Variants in OSTC observed in about 807,000 individuals in gnomAD.
OSTC encodes oligosaccharyltransferase complex non-catalytic subunit.
A neutral mutation model predicts 16.4 loss-of-function variants in OSTC; 16 were observed. The ratio of observed to expected loss-of-function variants is 0.98; its 90% CI spans 0.66 to 1.49. OSTC has a LOEUF of 1.49. Ranked by LOEUF, OSTC falls within the 40% of genes most tolerant of loss-of-function variation. The pLI is 0.00. For synonymous variants in OSTC, 67 were observed against 68.5 expected, an observed-to-expected ratio of 0.98 and a Z score of 0.11; for missense variants, 139 against 186.3, an observed-to-expected ratio of 0.75 and a Z score of 1.48.
intron 1 of OSTC, among the ~76,000 whole-genome samples, chr4:108,655,277 C>T (rs1320246639): frequency 6.6e-6 from 1 of 152,056 alleles, no homozygotes; most frequent in East Asian, 1.9e-4. Flanking sequence ...ACCAGCCTGA[C>T]CAATATGGTG....
At chr4:108,662,863 C>T (rs945228795) in intron 3 of OSTC, among the ~76,000 whole-genome samples, 4 of 152,120 alleles carry the variant, frequency 2.6e-5, no homozygotes, top group Admixed American at 6.5e-5. Context: ...AAATAAGGGA[C>T]GTAATTCATT....
At chr4:108,661,502 C>T (rs1301739120) in intron 3 of OSTC, among the ~76,000 whole-genome samples, 2 of 152,142 alleles carry the variant, frequency 1.3e-5, no homozygotes, top group Non-Finnish European at 2.9e-5. Context: ...CACGTTTGAA[C>T]TTGATTCTTC....
chr4:108,659,112 G>A (rs571771768), intron 3 of OSTC, among the ~76,000 whole-genome samples: 2 of 151,854 alleles, frequency 1.3e-5, no homozygotes, highest in African/African-American at 4.8e-5. Context: ...CCAAGTAGCT[G>A]GGATTACAGG....
At chr4:108,658,765 G>T (rs1726776688) in intron 3 of OSTC, among the ~76,000 whole-genome samples, 1 of 151,924 alleles carries the variant, frequency 6.6e-6, no homozygotes, top group Admixed American at 6.6e-5. Flanking sequence ...TAGTGTGTTT[G>T]AATTTTACAA....
chr4:108,653,585 C>T (rs13119492), intron 1 of OSTC, among the ~76,000 whole-genome samples: 1,784 of 152,178 alleles, frequency 0.012, 9 homozygotes, highest in Non-Finnish European at 0.019. Context: ...GGGAAGGAAT[C>T]TTACAGGTTT....
At chr4:108,657,034 T>A (rs1410187926) in intron 2 of OSTC, among the ~76,000 whole-genome samples, 2 of 150,664 alleles carry the variant, frequency 1.3e-5, no homozygotes, top group Non-Finnish European at 2.9e-5. Flanking sequence ...GCCACAGCAC[T>A]CCAGCCTGGG....
intron 3 of OSTC, among the ~76,000 whole-genome samples, chr4:108,658,478 T>G (rs1414955455): frequency 6.6e-6 from 1 of 151,922 alleles, no homozygotes; most frequent in Non-Finnish European, 1.5e-5. Context: ...ATTTAAAGAT[T>G]ATTTTGATTC....
In OSTC at chr4:108,667,686, T is replaced by TG. The variant is rs1727045290; in HGVS notation, c.*422dup. Reference sequence around the variant, plus strand: ...CCGTAAGCTGAGAACTCTGGACAGTTGATCAGCTTTACCTATGGTGCTTTG... The same window carrying TG: ...CCGTAAGCTGAGAACTCTGGACAGTTGGATCAGCTTTACCTATGGTGCTTTG... On this transcript the variant is annotated 3_prime_UTR_variant, in exon 4 of 4. Transcript: ENST00000361564. 1 of 156,906 alleles carries TG rather than the reference T, an allele frequency of 6.4e-6. No homozygotes were observed. The highest frequency in any genetic ancestry group is 6.5e-5 in the Admixed American group (1 of 15,420). 9.7% of individuals were successfully genotyped at this position (156,906 alleles called of 1,614,324 possible).
Position 108,667,262 on chromosome 4 carries a change from T to C in OSTC, c.447T>C (p.Gly149=). The C allele has an allele frequency of 6.2e-7, 1 of 1,609,352 alleles. No individual in the cohort carries two copies. The highest frequency in any genetic ancestry group is 8.5e-7 in the Non-Finnish European group (1 of 1,177,328). ...MRMKLPGYLM[G] ...ATTTCTGCAGGGGCTATCTGATGGG[T>C]TAGAGTGCCTTTGAGAAGAAATCAG... Residue 149 remains glycine (G), a synonymous_variant, in exon 4 of 4, where the codon GGT becomes GGC. Transcript: ENST00000361564.
intron 3 of OSTC, among the ~76,000 whole-genome samples, chr4:108,664,834 C>T (rs1474486953): frequency 5.3e-5 from 8 of 152,040 alleles, no homozygotes; most frequent in East Asian, 3.9e-4. Context: ...CCTCGTGATC[C>T]GCCTGCCTCA....
intron 3 of OSTC, among the ~76,000 whole-genome samples, chr4:108,661,993 G>A (rs1726870489): frequency 6.6e-6 from 1 of 152,198 alleles, no homozygotes; most frequent in Non-Finnish European, 1.5e-5. Flanking sequence ...TGGAGATGGA[G>A]GGATGGGTTC....
intron 2 of OSTC, among the ~76,000 whole-genome samples, chr4:108,657,138 A>G (rs1448287194): frequency 6.6e-6 from 1 of 152,074 alleles, no homozygotes; most frequent in Non-Finnish European, 1.5e-5. Flanking sequence ...TTTATTTTAC[A>G]TAAACAGTTG....
chr4:108,653,888 G>C (rs1414042995), intron 1 of OSTC, among the ~76,000 whole-genome samples: 15 of 152,128 alleles, frequency 9.9e-5, no homozygotes, highest in Admixed American at 9.2e-4. Flanking sequence ...GAGAGGCCTT[G>C]GCACATCACA....
chr4:108,655,124 G>C (rs1463345697), intron 1 of OSTC, among the ~76,000 whole-genome samples: 1 of 152,040 alleles, frequency 6.6e-6, no homozygotes, highest in Non-Finnish European at 1.5e-5. Context: ...AGATGAGTTG[G>C]GCCACATTTG....
intron 3 of OSTC, among the ~76,000 whole-genome samples, chr4:108,662,249 T>A (rs559336912): frequency 1.3e-5 from 2 of 152,214 alleles, no homozygotes; most frequent in Non-Finnish European, 2.9e-5. Context: ...ATGAATGTAA[T>A]AATATTTAAA....
At chr4:108,657,333 C>A in intron 2 of OSTC, 117 bp from the exon 3 acceptor site, 3 of 848,996 alleles carry the variant, frequency 3.5e-6, no homozygotes, top group Non-Finnish European at 5.4e-6. Flanking sequence ...AGTTGTAAGG[C>A]TAAGAATAAG....
intron 3 of OSTC, among the ~76,000 whole-genome samples, chr4:108,662,120 A>G (rs996127501): frequency 6.6e-6 from 1 of 152,206 alleles, no homozygotes; most frequent in African/African-American, 2.4e-5. Context: ...CTTTTTAGCA[A>G]TTTCACCTAG....
At chr4:108,663,998 G>C (rs555519617) in intron 3 of OSTC, among the ~76,000 whole-genome samples, 34 of 152,298 alleles carry the variant, frequency 2.2e-4, no homozygotes, top group African/African-American at 4.3e-4. Flanking sequence ...GGTCAAGAGA[G>C]GGGGCTAAAT....
intron 3 of OSTC, among the ~76,000 whole-genome samples, chr4:108,660,527 G>A (rs7662299): frequency 2.6e-5 from 4 of 152,028 alleles, no homozygotes; most frequent in African/African-American, 9.7e-5. Flanking sequence ...GCAAGGAAAG[G>A]GTGTATCTTT....
Sources: allele counts gnomAD v4.1 joint callset (sites outside exome capture counted in the v4.1 genomes callset), GRCh38; gene constraint gnomAD v4.1.1; transcripts MANE v1.5; gene names NCBI Gene and HGNC (gene_info 2026-07-23, HGNC 2026-07-21).